TENM4: variants seen among roughly 807,000 people sequenced by gnomAD.
TENM4 encodes teneurin-4.
Under a neutral mutation model 243.3 loss-of-function variants are expected in TENM4, and 82 were observed. The observed-to-expected ratio is 0.34, with a 90% CI of 0.28 to 0.40. The LOEUF (loss-of-function observed/expected upper bound fraction) is 0.40. TENM4 is among the 10% of genes least tolerant of loss of function. The pLI, the probability that TENM4 is intolerant of heterozygous loss-of-function variation, is 1.00. For synonymous variants in TENM4, 1,412 were observed against 1,456.3 expected, an observed-to-expected ratio of 0.97 and a Z score of 0.69; for missense variants, 3,138 against 3,673.3, an observed-to-expected ratio of 0.85 and a Z score of 3.77.
intron 6 of TENM4, among the ~76,000 whole-genome samples, chr11:79,015,064 T>A (rs1330494637): frequency 6.6e-6 from 1 of 152,180 alleles, no homozygotes; most frequent in Non-Finnish European, 1.5e-5. Context: ...GAAACATAAA[T>A]ATCTCATTAG....
chr11:78,864,639 T>A (rs754366186), intron 9 of TENM4, among the ~76,000 whole-genome samples: 6 of 152,094 alleles, frequency 3.9e-5, no homozygotes, highest in Non-Finnish European at 8.8e-5. Flanking sequence ...AAATCCCATT[T>A]TAGGATTCCA....
At chr11:79,063,831 G>A (rs902668677) in intron 6 of TENM4, among the ~76,000 whole-genome samples, 1 of 152,208 alleles carries the variant, frequency 6.6e-6, no homozygotes, top group African/African-American at 2.4e-5. Context: ...TCAGGCCTTG[G>A]GAACGAGCCT....
At chr11:79,125,002 G>C (rs191421786) in intron 4 of TENM4, among the ~76,000 whole-genome samples, 2 of 150,698 alleles carry the variant, frequency 1.3e-5, no homozygotes, top group South Asian at 4.2e-4. Context: ...TGGTTCTAGA[G>C]AAATAGAATA....
intron 27 of TENM4, among the ~76,000 whole-genome samples, chr11:78,702,982 T>C (rs959887974): frequency 1.8e-4 from 28 of 152,248 alleles, no homozygotes; most frequent in South Asian, 2.1e-4. Flanking sequence ...AACAGCTGGC[T>C]AGCTGCTAGA....
chr11:78,745,413 G>C (rs537900987), intron 19 of TENM4, among the ~76,000 whole-genome samples: 2 of 152,014 alleles, frequency 1.3e-5, no homozygotes, highest in South Asian at 4.2e-4. Flanking sequence ...ATTTTTAGTA[G>C]AGACAGGGTT....
At chr11:78,785,734 G>A (rs146123530) in intron 16 of TENM4, among the ~76,000 whole-genome samples, 1 of 152,042 alleles carries the variant, frequency 6.6e-6, no homozygotes, top group Non-Finnish European at 1.5e-5. Flanking sequence ...ATGTTGCAGG[G>A]GCAGGGACCA....
At chr11:79,345,454 G>A (rs1857310534) in intron 1 of TENM4, among the ~76,000 whole-genome samples, 1 of 152,158 alleles carries the variant, frequency 6.6e-6, no homozygotes, top group Non-Finnish European at 1.5e-5. Flanking sequence ...ACAAAGTCCT[G>A]ACAATTTGCA....
At chr11:78,934,089 T>C (rs997387790) in intron 6 of TENM4, among the ~76,000 whole-genome samples, 2 of 152,096 alleles carry the variant, frequency 1.3e-5, no homozygotes, top group Non-Finnish European at 2.9e-5. Context: ...GAAAGGAGCA[T>C]GGTCATCCAG....
chr11:79,161,834 A>G (rs1350662982), intron 3 of TENM4, among the ~76,000 whole-genome samples: 4 of 152,232 alleles, frequency 2.6e-5, no homozygotes, highest in African/African-American at 4.8e-5. Context: ...AATGGCTAAC[A>G]TGGGTTGAGT....
chr11:78,956,182 C>G (rs1175722085), intron 6 of TENM4, among the ~76,000 whole-genome samples: 1 of 152,030 alleles, frequency 6.6e-6, no homozygotes, highest in Admixed American at 6.5e-5. Context: ...TACACATACA[C>G]AGGGCACTGT....
At chr11:78,783,479 G>A (rs1420754901) in intron 16 of TENM4, among the ~76,000 whole-genome samples, 1 of 152,118 alleles carries the variant, frequency 6.6e-6, no homozygotes, top group Non-Finnish European at 1.5e-5. Context: ...GCTGATGGGT[G>A]TGCAGTTCTG....
At chr11:78,992,481 T>C (rs1388947985) in intron 6 of TENM4, among the ~76,000 whole-genome samples, 1 of 152,198 alleles carries the variant, frequency 6.6e-6, no homozygotes, top group Non-Finnish European at 1.5e-5. Flanking sequence ...ACATAGCTCA[T>C]TCATCTCAGG....
At chr11:78,764,464 A>G (rs1856499442) in intron 18 of TENM4, among the ~76,000 whole-genome samples, 1 of 152,240 alleles carries the variant, frequency 6.6e-6, no homozygotes, top group South Asian at 2.1e-4. Flanking sequence ...TGTATCTCAA[A>G]TGCACAGCAC....
chr11:79,174,879 T>C (rs1863126571), intron 3 of TENM4, among the ~76,000 whole-genome samples: 1 of 152,220 alleles, frequency 6.6e-6, no homozygotes, highest in African/African-American at 2.4e-5. Flanking sequence ...CCAACCTTAG[T>C]GGTTGTCCTT....
intron 6 of TENM4, among the ~76,000 whole-genome samples, chr11:79,009,739 T>A (rs1231480373): frequency 1.3e-5 from 2 of 152,182 alleles, no homozygotes; most frequent in African/African-American, 4.8e-5. Context: ...GGAAAGTTAG[T>A]GGCAGGGCTA....
At chr11:78,677,215 C>A (rs1482428234) in intron 29 of TENM4, among the ~76,000 whole-genome samples, 1 of 151,298 alleles carries the variant, frequency 6.6e-6, no homozygotes, top group African/African-American at 2.4e-5. Flanking sequence ...AAAATAGATT[C>A]CTAAAAGTAG....
At chr11:79,430,209 G>A (rs11237831) in intron 1 of TENM4, among the ~76,000 whole-genome samples, 12 of 146,608 alleles carry the variant, frequency 8.2e-5, no homozygotes, top group South Asian at 2.1e-4. Flanking sequence ...AAAGAAAAAA[G>A]AAAAAAAAAA....
rs146761737 is a variant in TENM4, at chr11:78,875,395, G to C, written c.1085-12263C>G. Among the ~76,000 whole-genome samples, 272 of 152,180 alleles carry C rather than the reference G, an allele frequency of 1.8e-3. 1 individual carries two copies. Among genetic ancestry groups the C allele is most frequent in the African/African-American group, 6.4e-3 (264 of 41,512 alleles). On this transcript the variant is annotated intron_variant, in intron 9 of 33. Transcript: ENST00000278550. ...ATTTTTGTATTTTTAGTAGAGACAG[G>C]GTTCCAACATGTTGGCCAGGCTATT...
At chr11:79,353,028 A>T (rs573452685) in intron 1 of TENM4, among the ~76,000 whole-genome samples, 1 of 152,266 alleles carries the variant, frequency 6.6e-6, no homozygotes, top group African/African-American at 2.4e-5. Context: ...TATGAACAAG[A>T]TCACTTCTTA....
Sources: gnomAD v4.1 joint callset for allele counts (sites outside exome capture counted in the v4.1 genomes callset) on GRCh38, gnomAD v4.1.1 for gene constraint, MANE v1.5 for transcripts, NCBI Gene and HGNC (gene_info 2026-07-23, HGNC 2026-07-21) for gene names.